The following TRABD2B variants were observed in gnomAD, a reference collection of about 807,000 sequenced individuals.
TRABD2B encodes metalloprotease TIKI2.
A neutral mutation model predicts 40.1 loss-of-function variants in TRABD2B; 14 were observed. The observed-to-expected ratio is 0.35, with a 90% CI of 0.23 to 0.55. The LOEUF (loss-of-function observed/expected upper bound fraction) is 0.55, where lower values mean the gene tolerates loss of function less well. TRABD2B is among the 20% of genes least tolerant of loss of function. The pLI, the probability that TRABD2B is intolerant of heterozygous loss-of-function variation, is 0.90. For missense variants in TRABD2B, 541 were observed against 648.6 expected (o/e 0.83, Z 1.80); for synonymous variants, 263 against 277.0 (o/e 0.95, Z 0.50).
intron 2 of TRABD2B, among the ~76,000 whole-genome samples, chr1:47,992,633 G>T (rs1287673629): frequency 6.6e-6 from 1 of 152,166 alleles, no homozygotes; most frequent in African/African-American, 2.4e-5. Context: ...AGCGCCGGGG[G>T]TCCCGACACA....
Position 47,983,672 on chromosome 1 carries a change from T to A in TRABD2B, c.666+10362A>T, listed in dbSNP as rs547005577. Among the ~76,000 whole-genome samples the A allele has an allele frequency of 1.1e-3, 167 of 150,766 alleles. 1 individual carries two copies. Among genetic ancestry groups the A allele is most frequent in the Non-Finnish European group, 2.0e-3 (137 of 67,870 alleles). On this transcript the variant is annotated intron_variant, in intron 2 of 6. Transcript: ENST00000606738. Reference sequence around the variant, plus strand: ...CCAGTGGATGCTGGAGCCACCCAGCTGGATATCTGGGGGTCCCAACGCCTG... The same window carrying A: ...CCAGTGGATGCTGGAGCCACCCAGCAGGATATCTGGGGGTCCCAACGCCTG...
intron 6 of TRABD2B, among the ~76,000 whole-genome samples, chr1:47,771,644 C>T (rs1644378722): frequency 6.6e-6 from 1 of 152,248 alleles, no homozygotes; most frequent in Non-Finnish European, 1.5e-5. Context: ...GAAATGACCT[C>T]TACCCTGTTT....
At chr1:47,959,488 A>G (rs1004281190) in intron 2 of TRABD2B, among the ~76,000 whole-genome samples, 3 of 152,240 alleles carry the variant, frequency 2.0e-5, no homozygotes, top group African/African-American at 7.2e-5. Context: ...GAAAGGAGAG[A>G]CGAATCAAAT....
intron 2 of TRABD2B, among the ~76,000 whole-genome samples, chr1:47,835,449 G>C (rs1410595649): frequency 1.3e-5 from 2 of 149,440 alleles, no homozygotes; most frequent in Non-Finnish European, 3.0e-5. Flanking sequence ...CTCCAAGTAG[G>C]ATAAATTCAA....
intron 2 of TRABD2B, among the ~76,000 whole-genome samples, chr1:47,832,331 CAA>C (rs1044080717): frequency 1.4e-5 from 2 of 140,898 alleles, no homozygotes; most frequent in South Asian, 2.3e-4. Flanking sequence ...GACTCCGTCT[CAA>C]AAAAAAAAAA....
chr1:47,937,330 C>T (rs557189757), intron 2 of TRABD2B, among the ~76,000 whole-genome samples: 173 of 147,844 alleles, frequency 1.2e-3, no homozygotes, highest in Admixed American at 4.0e-3. Context: ...ATCACCACCA[C>T]CATCATGATC....
chr1:47,881,247 C>T (rs1644299787), intron 2 of TRABD2B, among the ~76,000 whole-genome samples: 1 of 152,136 alleles, frequency 6.6e-6, no homozygotes, highest in Non-Finnish European at 1.5e-5. Context: ...TCCATGCAGG[C>T]TTGCTGTGAG....
At chr1:47,846,938 C>A (rs1223268823) in intron 2 of TRABD2B, among the ~76,000 whole-genome samples, 1 of 151,490 alleles carries the variant, frequency 6.6e-6, no homozygotes, top group African/African-American at 2.4e-5. Context: ...TCGATAGCTA[C>A]CTCCTGGGCA....
chr1:47,846,857 T>TACACACACACACAC (rs67359073), intron 2 of TRABD2B, among the ~76,000 whole-genome samples: 3,099 of 106,438 alleles, frequency 0.029, 89 homozygotes, highest in Admixed American at 0.081. Context: ...AAAACATGCA[T>TACACACACACACAC]ACACACACAC....
intron 2 of TRABD2B, among the ~76,000 whole-genome samples, chr1:47,988,368 A>T (rs1645951520): frequency 6.6e-6 from 1 of 152,218 alleles, no homozygotes; most frequent in Non-Finnish European, 1.5e-5. Context: ...ACACTCAGGT[A>T]ATGAATTCTC....
rs55649435 is a variant in TRABD2B, at chr1:47,990,771, TTATATATATATATA to T, written c.666+3249_666+3262del. On this transcript the variant is annotated intron_variant, in intron 2 of 6. Coordinates refer to ENST00000606738, the MANE Select transcript of TRABD2B (RefSeq NM_001194986.2). Reference sequence around the variant, plus strand: ...AGTTGTTGGTTTTAAAACGTTGGTTTTATATATATATATATATATATATATATATATATATATAT... The same window carrying T: ...AGTTGTTGGTTTTAAAACGTTGGTTTTATATATATATATATATATATATAT... Among the ~76,000 whole-genome samples, 242 of 36,518 alleles carry T rather than the reference TTATATATATATATA, an allele frequency of 6.6e-3. 7 individuals carry two copies. Among genetic ancestry groups the T allele is most frequent in the Non-Finnish European group, 8.5e-3 (165 of 19,356 alleles). The allele number at this position is 36,518 out of a possible 152,430, so 24.0% of individuals were successfully genotyped here. A position where few individuals can be genotyped will look rare whatever the true frequency, so the allele number is the denominator to read the frequency against.
chr1:47,806,500 A>G (rs1395905916), intron 2 of TRABD2B, among the ~76,000 whole-genome samples: 4 of 152,166 alleles, frequency 2.6e-5, no homozygotes, highest in African/African-American at 9.7e-5. Context: ...AATGTTTATG[A>G]TAAGGCTTTG....
At chr1:47,847,858 G>A (rs1190042390) in intron 2 of TRABD2B, among the ~76,000 whole-genome samples, 1 of 152,214 alleles carries the variant, frequency 6.6e-6, no homozygotes, top group Admixed American at 6.5e-5. Flanking sequence ...GGCACGTTAG[G>A]GCTTTGATAG....
At chr1:47,798,721 C>G (rs1038379284) in intron 3 of TRABD2B, among the ~76,000 whole-genome samples, 2 of 152,294 alleles carry the variant, frequency 1.3e-5, no homozygotes, top group South Asian at 2.1e-4. Flanking sequence ...CTAGGGGACC[C>G]TACTGCCAAG....
chr1:47,927,394 A>G (rs955321871), intron 2 of TRABD2B, among the ~76,000 whole-genome samples: 5 of 152,226 alleles, frequency 3.3e-5, no homozygotes, highest in African/African-American at 1.2e-4. Context: ...GCCCAAAGCC[A>G]TCCCATGGAA....
chr1:47,965,853 A>G (rs944409585), intron 2 of TRABD2B, among the ~76,000 whole-genome samples: 3 of 152,212 alleles, frequency 2.0e-5, no homozygotes, highest in African/African-American at 7.2e-5. Flanking sequence ...TCCCAGACCC[A>G]TGGAGAATAG....
chr1:47,928,528 A>C (rs1159971410), intron 2 of TRABD2B, among the ~76,000 whole-genome samples: 1 of 152,252 alleles, frequency 6.6e-6, no homozygotes, highest in African/African-American at 2.4e-5. Flanking sequence ...AGAATCTGTG[A>C]AAAGACTGCT....
At chr1:47,822,584 T>TG (rs35588164) in intron 2 of TRABD2B, among the ~76,000 whole-genome samples, 103,758 of 152,020 alleles carry the variant, frequency 0.68, 35,711 homozygotes, top group South Asian at 0.83. Context: ...ATCTGTAAAA[T>TG]GGGATGTCTT....
At chr1:47,916,979 T>C (rs536355571) in intron 2 of TRABD2B, among the ~76,000 whole-genome samples, 2 of 152,378 alleles carry the variant, frequency 1.3e-5, no homozygotes, top group Non-Finnish European at 2.9e-5. Flanking sequence ...AAGCAGGTAC[T>C]GTTTTCCCGT....
Sources: allele counts gnomAD v4.1 joint callset (sites outside exome capture counted in the v4.1 genomes callset), GRCh38; gene constraint gnomAD v4.1.1; transcripts MANE v1.5; gene names NCBI Gene and HGNC (gene_info 2026-07-23, HGNC 2026-07-21).